Variants in FANCM observed in about 807,000 individuals in gnomAD.
The protein encoded by FANCM is Fanconi anemia group M protein.
Under a neutral mutation model 199.5 loss-of-function variants are expected in FANCM, and 140 were observed. The observed-to-expected ratio is 0.70, with a 90% CI of 0.61 to 0.81. The LOEUF (loss-of-function observed/expected upper bound fraction) is 0.81. Ranked by LOEUF, FANCM falls within the 30% of genes least tolerant of loss-of-function variation. The pLI is 0.00. For missense variants in FANCM, 2,410 were observed against 2,421.4 expected (o/e 1.00, Z 0.10); for synonymous variants, 840 against 836.8 (o/e 1.00, Z -0.07).
At chr14:45,157,192 T>C (rs1887260510) in intron 8 of FANCM, among the ~76,000 whole-genome samples, 1 of 152,204 alleles carries the variant, frequency 6.6e-6, no homozygotes, top group African/African-American at 2.4e-5. Context: ...TAAGATGTTT[T>C]TGAGACACCT....
rs540203938 is a variant in FANCM at position 45,161,710 on chromosome 14, G to A, written c.1581+2430G>A. 3.3e-5 allele frequency among the ~76,000 whole-genome samples: 5 copies of A among 152,170 alleles called. No homozygotes were observed. In the East Asian group the frequency reaches 9.7e-4, roughly 30 times the overall value. ...GGGAGGATGCTTGAGCCCAGAGGTC[G>A]AAGCTCCAGTGAGCCAAGATCACAC... On this transcript the variant is annotated intron_variant, in intron 9 of 22. Coordinates refer to ENST00000267430, the MANE Select transcript of FANCM (RefSeq NM_020937.4).
chr14:45,156,916 C>CAAAAAA (rs535786477), intron 8 of FANCM, among the ~76,000 whole-genome samples: 2 of 47,802 alleles, frequency 4.2e-5, no homozygotes, highest in African/African-American at 1.4e-4. Context: ...GACTCTGTCT[C>CAAAAAA]AAAAAAAAAA....
At chr14:45,166,268 A>G (rs1286698790) in intron 10 of FANCM, among the ~76,000 whole-genome samples, 1 of 151,096 alleles carries the variant, frequency 6.6e-6, no homozygotes, top group Non-Finnish European at 1.5e-5. Flanking sequence ...AGTAGCTGGG[A>G]CTACAGGCGC....
intron 16 of FANCM, among the ~76,000 whole-genome samples, chr14:45,182,594 T>C (rs1392898042): frequency 2.6e-5 from 4 of 152,176 alleles, no homozygotes; most frequent in African/African-American, 9.6e-5. Flanking sequence ...AATCTCAAGT[T>C]TGATAGATGG....
chr14:45,175,729 G>T lies in FANCM; in HGVS notation c.2975G>T (p.Arg992Ile), dbSNP rs768302329. 1.2e-6 allele frequency: 2 copies of T among 1,613,840 alleles called. No individual in the cohort carries two copies. The highest frequency in any genetic ancestry group is 2.2e-5 in the South Asian group (2 of 91,072). Residue 992 changes from arginine (R) to isoleucine (I), a missense_variant, in exon 14 of 23, where the codon AGA becomes ATA. Transcript: ENST00000267430. ...LTKEVLANVERFLSYSPPPLS... is the reference protein window; with the variant it reads ...LTKEVLANVEIFLSYSPPPLS... ...AAAGAGGTACTAGCTAATGTAGAGA[G>T]ATTTTTATCTTATTCTCCTCCGCCT...
At chr14:45,177,851 G>A (rs931263803) in intron 14 of FANCM, among the ~76,000 whole-genome samples, 3 of 152,150 alleles carry the variant, frequency 2.0e-5, no homozygotes, top group African/African-American at 7.2e-5. Flanking sequence ...TGAAGTAATA[G>A]TTTTATGCAG....
chr14:45,142,154 C>T (rs557807402), intron 3 of FANCM, among the ~76,000 whole-genome samples: 8 of 152,118 alleles, frequency 5.3e-5, no homozygotes, highest in Non-Finnish European at 1.0e-4. Flanking sequence ...AGAAAATTAG[C>T]ATTGCTATAC....
intron 3 of FANCM, among the ~76,000 whole-genome samples, chr14:45,147,389 G>A (rs1187609748): frequency 1.3e-5 from 2 of 151,270 alleles, no homozygotes; most frequent in Admixed American, 1.3e-4. Context: ...TTCACTCACT[G>A]CAGCCTAGAA....
intron 9 of FANCM, among the ~76,000 whole-genome samples, chr14:45,160,980 G>T (rs1034692085): frequency 6.6e-6 from 1 of 151,744 alleles, no homozygotes; most frequent in African/African-American, 2.4e-5. Flanking sequence ...TATTTTTAAG[G>T]CATCTAGTGG....
At position 45,136,101 on chromosome 14, in the gene FANCM, G is replaced by C. The variant is rs771539841; in HGVS notation, c.70G>C (p.Gly24Arg). 6.2e-7 allele frequency: 1 copy of C among 1,614,032 alleles called. No individual in the cohort carries two copies. The highest frequency in any genetic ancestry group is 1.3e-5 in the African/African-American group (1 of 74,918). The change falls in exon 1 of 23, where the codon GGT becomes CGT. Residue 24 changes from glycine to arginine, a missense_variant. Transcript: ENST00000267430. ...SSISRSSGTP[G>R]CSSGTERPQS... ...TATCTCCCGATCATCTGGGACTCCG[G>C]GTTGCAGCTCCGGAACTGAGCGACC...
rs1392617923 is a variant in FANCM, at chr14:45,176,402, T to A, written c.3648T>A (p.Asn1216Lys). The change falls in exon 14 of 23, where the codon AAT (asparagine) becomes AAA (lysine). Residue 1216 changes from asparagine to lysine, a missense_variant. By Grantham distance (94) the Asn-to-Lys change is moderately conservative. Coordinates refer to ENST00000267430, the MANE Select transcript of FANCM (RefSeq NM_020937.4). ...GTGTACAGGAAGAAAAAGTGAAGAA[T>A]CATGAGGATATTTTTGATTGCTCTA... ...QRGVQEEKVK[N>K]HEDIFDCSRD... 6.2e-7 allele frequency: 1 copy of A among 1,612,958 alleles called. No homozygotes were observed. Among genetic ancestry groups the A allele is most frequent in the South Asian group, 1.1e-5 (1 of 91,072 alleles).
rs373696744 is a variant in FANCM at position 45,164,529 on chromosome 14, G to A, written c.1752G>A (p.Arg584=). ...GAACTGGCCGTAAACGTCAAGGCAG[G>A]ATAGTTATTATCCTTTCTGAAGGAC... is the stretch of plus-strand genomic sequence containing the variant. ...MGRTGRKRQG[R]IVIILSEGRE... Residue 584 remains arginine, a synonymous_variant, in exon 10 of 23, where the codon AGG becomes AGA. Coordinates refer to ENST00000267430, the MANE Select transcript of FANCM (RefSeq NM_020937.4). 25 of 1,613,328 alleles carry A rather than the reference G, an allele frequency of 1.5e-5. No individual in the cohort carries two copies. The African/African-American group carries it at 3.3e-4, about 22-fold the overall frequency.
chr14:45,180,459 C>T (rs1260967624), intron 14 of FANCM, among the ~76,000 whole-genome samples: 1 of 151,154 alleles, frequency 6.6e-6, no homozygotes, highest in East Asian at 1.9e-4. Flanking sequence ...TTGTTTTTTC[C>T]CCCACCAGGC....
intron 9 of FANCM, among the ~76,000 whole-genome samples, chr14:45,161,805 A>G (rs1216749796): frequency 6.6e-6 from 1 of 152,080 alleles, no homozygotes; most frequent in East Asian, 1.9e-4. Flanking sequence ...CATGCTGGTT[A>G]TTGTCTGAAG....
intron 14 of FANCM, among the ~76,000 whole-genome samples, chr14:45,178,168 G>A (rs532093210): frequency 6.6e-6 from 1 of 152,300 alleles, no homozygotes; most frequent in African/African-American, 2.4e-5. Flanking sequence ...CATGGTTCGT[G>A]AATGTTCTAT....
chr14:45,139,961 C>G (rs900754600), intron 2 of FANCM, among the ~76,000 whole-genome samples: 8 of 151,968 alleles, frequency 5.3e-5, no homozygotes, highest in Non-Finnish European at 1.0e-4. Context: ...TGTGCTCCAG[C>G]CTGGGTGACA....
intron 3 of FANCM, 131 bp downstream of exon 3, chr14:45,140,840 A>T: frequency 1.4e-6 from 1 of 706,088 alleles, no homozygotes. Flanking sequence ...CAGGAATTCC[A>T]GACCAGCCTG....
In FANCM at chr14:45,151,640, T is replaced by C. The variant is rs1347541246; in HGVS notation, c.1050+112T>C. On this transcript the variant is annotated intron_variant, in intron 5 of 22. Transcript: ENST00000267430. ...TATTAGCTCATCAATAATTGAAAAATGAGGCCGAACACAGTGGCTGATGCC... is the reference window on the plus strand; with the variant it reads ...TATTAGCTCATCAATAATTGAAAAACGAGGCCGAACACAGTGGCTGATGCC... The C allele has an allele frequency of 5.0e-6, 5 of 1,004,434 alleles. No homozygotes were observed. The Admixed American group carries it at 9.7e-5, about 19-fold the overall frequency. The allele number at this position is 1,004,434 out of a possible 1,614,324, so 62.2% of individuals were successfully genotyped here.
intron 4 of FANCM, among the ~76,000 whole-genome samples, chr14:45,150,115 T>G (rs952978850): frequency 6.6e-6 from 1 of 152,232 alleles, no homozygotes; most frequent in Non-Finnish European, 1.5e-5. Context: ...GGATTAAAGA[T>G]GGTTACAGAA....
Sources: allele counts gnomAD v4.1 joint callset (sites outside exome capture counted in the v4.1 genomes callset), GRCh38; gene constraint gnomAD v4.1.1; transcripts MANE v1.5; gene names NCBI Gene and HGNC (gene_info 2026-07-23, HGNC 2026-07-21).